ESR1: variants seen among roughly 807,000 people sequenced by gnomAD.
The protein encoded by ESR1 is estrogen receptor 1, also known as estrogen receptor.
ESR1 carries 12 observed loss-of-function variants against 52.7 expected under a neutral mutation model. The ratio of observed to expected loss-of-function variants is 0.23; its 90% CI spans 0.15 to 0.37. The LOEUF (loss-of-function observed/expected upper bound fraction) is 0.37. ESR1 is among the 10% of genes least tolerant of loss of function. The pLI is 1.00. For missense variants in ESR1, 584 were observed against 779.7 expected, an observed-to-expected ratio of 0.75 and a Z score of 2.99; for synonymous variants, 305 against 316.8, an observed-to-expected ratio of 0.96 and a Z score of 0.39.
At chr6:151,879,483 GC>G (rs1355155306) in intron 2 of ESR1, among the ~76,000 whole-genome samples, 1 of 152,124 alleles carries the variant, frequency 6.6e-6, no homozygotes, top group South Asian at 2.1e-4. Flanking sequence ...AAGTTAGAGA[GC>G]ATGTGGGGCA....
chr6:152,049,525 A>G (rs1439238810), intron 5 of ESR1, among the ~76,000 whole-genome samples: 2 of 152,140 alleles, frequency 1.3e-5, no homozygotes, highest in Non-Finnish European at 2.9e-5. Context: ...CCAATTGAAC[A>G]TTTTCTCTGT....
chr6:152,038,007 C>T (rs1713984901), intron 5 of ESR1, among the ~76,000 whole-genome samples: 1 of 152,048 alleles, frequency 6.6e-6, no homozygotes, highest in Admixed American at 6.6e-5. Context: ...CACAATAGGC[C>T]ATCTGCAAGC....
chr6:151,678,397 C>T (rs62441981), intron 1 of ESR1, among the ~76,000 whole-genome samples: 40 of 151,682 alleles, frequency 2.6e-4, no homozygotes, highest in Non-Finnish European at 5.4e-4. Context: ...CTCTTGAACC[C>T]GGGAGGCAGA....
chr6:151,775,223 A>G (rs192641963), intron 2 of ESR1, among the ~76,000 whole-genome samples: 2 of 152,330 alleles, frequency 1.3e-5, no homozygotes, highest in African/African-American at 4.8e-5. Flanking sequence ...TACAAGTTGA[A>G]TATCCCTTAT....
At chr6:152,071,869 G>A (rs770186636) in intron 6 of ESR1, among the ~76,000 whole-genome samples, 2 of 151,952 alleles carry the variant, frequency 1.3e-5, no homozygotes, top group Non-Finnish European at 2.9e-5. Context: ...CTTTGTATAT[G>A]TTGCTAGAAA....
Position 151,851,441 on chromosome 6 carries a change from A to C in ESR1, c.643+8654A>C, listed in dbSNP as rs183423826. On this transcript the variant is annotated intron_variant, in intron 2 of 7. Coordinates refer to ENST00000206249, the MANE Select transcript of ESR1 (RefSeq NM_000125.4). The stretch of plus-strand genomic sequence containing the variant: ...TCAGAGTCACTCAATAAATAAATAA[A>C]AGAATAAATGGAAATTAGGATCAGT... Among the ~76,000 whole-genome samples, 275 of 152,306 alleles carry C rather than the reference A, an allele frequency of 1.8e-3. 1 individual carries two copies. The highest frequency in any genetic ancestry group is 0.01 in the Middle Eastern group (3 of 294).
intron 2 of ESR1, among the ~76,000 whole-genome samples, chr6:151,751,956 C>A (rs985613755): frequency 3.3e-5 from 5 of 152,150 alleles, no homozygotes; most frequent in Non-Finnish European, 7.4e-5. Context: ...TTGAGAGGTC[C>A]GCATTTTCTT....
At chr6:151,928,546 C>G (rs2033107395) in intron 3 of ESR1, among the ~76,000 whole-genome samples, 1 of 152,012 alleles carries the variant, frequency 6.6e-6, no homozygotes, top group Non-Finnish European at 1.5e-5. Context: ...AATAATAAAT[C>G]AAACCATCTT....
chr6:151,751,821 T>A (rs961046371), intron 2 of ESR1, among the ~76,000 whole-genome samples: 1 of 152,212 alleles, frequency 6.6e-6, no homozygotes, highest in East Asian at 1.9e-4. Flanking sequence ...AGAAGATCAT[T>A]ATTAATGTGC....
At chr6:151,660,336 G>A (rs989806141) in intron 1 of ESR1, among the ~76,000 whole-genome samples, 5 of 152,198 alleles carry the variant, frequency 3.3e-5, no homozygotes, top group Admixed American at 1.3e-4. Flanking sequence ...GTTAGTTTCA[G>A]TATAGTTCAG....
chr6:151,694,069 T>G (rs938781911), intron 1 of ESR1, among the ~76,000 whole-genome samples: 1 of 152,230 alleles, frequency 6.6e-6, no homozygotes, highest in African/African-American at 2.4e-5. Context: ...ATGCTTTTTA[T>G]AGTGTTATTA....
At chr6:151,790,397 C>A (rs898936173) in intron 2 of ESR1, among the ~76,000 whole-genome samples, 4 of 152,270 alleles carry the variant, frequency 2.6e-5, no homozygotes, top group African/African-American at 9.6e-5. Context: ...TCAATACTTC[C>A]AAGGGTTTTG....
At chr6:151,829,302 G>A (rs1035333343) in intron 1 of ESR1, among the ~76,000 whole-genome samples, 10 of 152,238 alleles carry the variant, frequency 6.6e-5, no homozygotes, top group South Asian at 2.1e-4. Flanking sequence ...GATAGTGTTC[G>A]TTGAACAAAG....
chr6:151,720,804 A>G (rs1358198175), intron 2 of ESR1, among the ~76,000 whole-genome samples: 1 of 152,240 alleles, frequency 6.6e-6, no homozygotes. Flanking sequence ...CAAGACATGA[A>G]GGACATGAGG....
intron 6 of ESR1, among the ~76,000 whole-genome samples, chr6:152,066,542 T>G (rs750926346): frequency 4.6e-5 from 7 of 152,130 alleles, no homozygotes; most frequent in Non-Finnish European, 8.8e-5. Context: ...CTCTCTGGAG[T>G]CCTTTGTAAT....
Position 152,102,880 on chromosome 6 carries a change from T to G in ESR1, c.*3914T>G. 4.4e-6 allele frequency: 1 copy of G among 226,426 alleles called. No individual in the cohort carries two copies. 14.0% of individuals were successfully genotyped at this position (226,426 alleles called of 1,614,324 possible). On this transcript the variant is annotated 3_prime_UTR_variant, in exon 8 of 8. Transcript: ENST00000206249. Reference sequence around the variant, plus strand: ...AGCTGTGCACCCTAGAAACAACATATTGTCCCATGAGCAGGTGCCTGAGAC... The same window carrying G: ...AGCTGTGCACCCTAGAAACAACATAGTGTCCCATGAGCAGGTGCCTGAGAC...
chr6:152,096,887 T>C (rs558133997), intron 7 of ESR1, among the ~76,000 whole-genome samples: 4 of 152,338 alleles, frequency 2.6e-5, no homozygotes, highest in South Asian at 2.1e-4. Context: ...ATTTCGGTGA[T>C]GTTGTAGATT....
In ESR1 at chr6:152,053,060, T is replaced by A. The variant is rs1356909427; in HGVS notation, c.1236-7931T>A. ...ATATCACATTTGTTTAGTAAAAAAA[T>A]TGTTTACTAAAAAATTAACCTCTCA... On this transcript the variant is annotated intron_variant, in intron 5 of 7. Transcript: ENST00000206249. The surrounding 1 kb of genome is among the most constrained non-coding windows in gnomAD (Gnocchi z 4.1). 6.6e-6 allele frequency among the ~76,000 whole-genome samples: 1 copy of A among 152,168 alleles called. No individual in the cohort carries two copies. The highest frequency in any genetic ancestry group is 2.4e-5 in the African/African-American group (1 of 41,446).
Position 152,053,538 on chromosome 6 carries a change from C to T in ESR1, c.1236-7453C>T, listed in dbSNP as rs925960813. ...TCTCTTTCTCTCAATCTCTCTCTTC[C>T]TCTCTCTCTTATCCTCTCTTTCTCT... On this transcript the variant is annotated intron_variant, in intron 5 of 7. Coordinates refer to ENST00000206249, the MANE Select transcript of ESR1 (RefSeq NM_000125.4). This position sits in a 1 kb window ranked among gnomAD's most constrained non-coding sequence, Gnocchi z 4.1. Among the ~76,000 whole-genome samples, 1 of 151,520 alleles carries T rather than the reference C, an allele frequency of 6.6e-6. No individual in the cohort carries two copies. The highest frequency in any genetic ancestry group is 2.4e-5 in the African/African-American group (1 of 41,206).
Sources: gnomAD v4.1 joint callset for allele counts (sites outside exome capture counted in the v4.1 genomes callset) on GRCh38, gnomAD v4.1.1 for gene constraint, Gnocchi (gnomAD v3.1) non-coding constraint, MANE v1.5 for transcripts, NCBI Gene and HGNC (gene_info 2026-07-23, HGNC 2026-07-21) for gene names.